Variants in ADGRV1 observed in about 807,000 individuals in gnomAD.
ADGRV1 encodes G-protein coupled receptor 98.
ADGRV1 carries 359 observed loss-of-function variants against 596.2 expected under a neutral mutation model. The ratio of observed to expected loss-of-function variants is 0.60; its 90% CI spans 0.55 to 0.66. ADGRV1 has a LOEUF of 0.66. ADGRV1 is among the 30% of genes least tolerant of loss of function. The pLI, the probability that ADGRV1 is intolerant of heterozygous loss-of-function variation, is 0.00. For missense variants in ADGRV1, 7,274 were observed against 7,575.6 expected, an observed-to-expected ratio of 0.96 and a Z score of 1.48; for synonymous variants, 2,681 against 2,679.2, an observed-to-expected ratio of 1.00 and a Z score of -0.02.
At chr5:91,095,336 A>G (rs1177689484) in intron 86 of ADGRV1, among the ~76,000 whole-genome samples, 6 of 152,076 alleles carry the variant, frequency 3.9e-5, no homozygotes, top group Admixed American at 3.3e-4. Flanking sequence ...AGTAGCTGAG[A>G]CTACAGGCAT....
intron 85 of ADGRV1, among the ~76,000 whole-genome samples, chr5:91,059,962 T>C (rs1484943579): frequency 6.6e-6 from 1 of 152,062 alleles, no homozygotes; most frequent in African/African-American, 2.4e-5. Flanking sequence ...TTAGATATCT[T>C]AGTACATTTT....
chr5:91,051,581 C>G (rs1786329606), intron 85 of ADGRV1, among the ~76,000 whole-genome samples: 1 of 124,916 alleles, frequency 8.0e-6, no homozygotes, highest in Non-Finnish European at 1.6e-5. Flanking sequence ...GAGTCTCACT[C>G]TGTCGCCCAG....
intron 75 of ADGRV1, among the ~76,000 whole-genome samples, chr5:90,817,735 G>A (rs377266739): frequency 1.4e-4 from 21 of 152,080 alleles, no homozygotes; most frequent in African/African-American, 4.3e-4. Flanking sequence ...GATATGCGGC[G>A]TTACTTCTGA....
intron 52 of ADGRV1, among the ~76,000 whole-genome samples, chr5:90,748,813 G>GTT (rs10700327): frequency 0.36 from 50,874 of 141,220 alleles, 9,790 homozygotes; most frequent in Admixed American, 0.48. Flanking sequence ...CTATCATCAA[G>GTT]TTTTTTTTTG....
At chr5:91,087,699 C>G (rs188188754) in intron 86 of ADGRV1, among the ~76,000 whole-genome samples, 64 of 152,322 alleles carry the variant, frequency 4.2e-4, no homozygotes, top group Non-Finnish European at 5.9e-5. Context: ...TTATCTGGAA[C>G]TGTTCGAAGT....
chr5:90,623,716 G>T (rs1764383337), intron 5 of ADGRV1, among the ~76,000 whole-genome samples: 1 of 151,908 alleles, frequency 6.6e-6, no homozygotes, highest in Non-Finnish European at 1.5e-5. Context: ...CCTTCCCCCT[G>T]CCCCCCATTT....
chr5:91,028,615 A>G (rs1237614053), intron 85 of ADGRV1, among the ~76,000 whole-genome samples: 4 of 151,788 alleles, frequency 2.6e-5, no homozygotes, highest in Admixed American at 1.3e-4. Flanking sequence ...GCCCTCCTCC[A>G]GTTTAAGACA....
At chr5:90,813,127 C>A (rs1286576208) in intron 74 of ADGRV1, among the ~76,000 whole-genome samples, 1 of 11,948 alleles carries the variant, frequency 8.4e-5, no homozygotes, top group Non-Finnish European at 1.0e-3. Context: ...AGTAAGACTC[C>A]GTCTCAAAAA....
intron 83 of ADGRV1, among the ~76,000 whole-genome samples, chr5:90,909,369 A>G (rs185405571): frequency 2.0e-5 from 3 of 151,932 alleles, no homozygotes; most frequent in Admixed American, 1.3e-4. Flanking sequence ...TTTCTCCTCT[A>G]CCTTTCTTGT....
chr5:91,081,759 C>T (rs1403440492), intron 86 of ADGRV1, among the ~76,000 whole-genome samples: 1 of 152,004 alleles, frequency 6.6e-6, no homozygotes, highest in African/African-American at 2.4e-5. Context: ...GTACTTCAGC[C>T]TGAGCAACAA....
At chr5:90,569,898 A>G (rs1349014079) in intron 1 of ADGRV1, among the ~76,000 whole-genome samples, 1 of 152,050 alleles carries the variant, frequency 6.6e-6, no homozygotes, top group Non-Finnish European at 1.5e-5. Flanking sequence ...CCTTTTTTAT[A>G]CAGTATATAC....
Position 90,791,037 on chromosome 5 carries a change from T to C in ADGRV1, c.14208T>C (p.Ser4736=). Residue 4736 remains serine (S), a synonymous_variant, in exon 70 of 90, where the codon TCT becomes TCC. Transcript: ENST00000405460. ...IEEDYVIQLV[S]VEGGAELDLE... is the part of the protein sequence containing the mutation. ...AAGATTATGTGATCCAGCTTGTTTCTGTAGAGGGAGGAGCCGAACTGGATC... is the reference window on the plus strand; with the variant it reads ...AAGATTATGTGATCCAGCTTGTTTCCGTAGAGGGAGGAGCCGAACTGGATC... The C allele has an allele frequency of 6.2e-7, 1 of 1,613,990 alleles. No individual in the cohort carries two copies. The highest frequency in any genetic ancestry group is 8.5e-7 in the Non-Finnish European group (1 of 1,179,886).
chr5:91,094,040 T>C (rs1177496514), intron 86 of ADGRV1, among the ~76,000 whole-genome samples: 2 of 151,718 alleles, frequency 1.3e-5, no homozygotes, highest in Non-Finnish European at 2.9e-5. Flanking sequence ...TTAGTAGAGA[T>C]GGGGTTTCGC....
In ADGRV1 at chr5:90,652,350, T is replaced by A; in HGVS notation, c.3421T>A (p.Leu1141Met). 2 of 1,576,936 alleles carry A rather than the reference T, an allele frequency of 1.3e-6. No individual in the cohort carries two copies. The highest frequency in any genetic ancestry group is 1.7e-6 in the Non-Finnish European group (2 of 1,163,542). Reference sequence around the variant, plus strand: ...TTTCTTTAATTTATTTTGTAGGATTTTGAGGCACCGAGGATACTTTGGTAG... The same window carrying A: ...TTTCTTTAATTTATTTTGTAGGATTATGAGGCACCGAGGATACTTTGGTAG... ...EEGKTNAFWI[L>M]RHRGYFGSVS... is the part of the protein sequence containing the mutation. The change falls in exon 19 of 90, where the codon TTG becomes ATG. Residue 1141 changes from leucine to methionine, a missense_variant. Around this residue, in one of 5 missense-constraint regions of ADGRV1, gnomAD observed 1,715 missense variants for 1,708.8 expected, o/e 1.00. Transcript: ENST00000405460.
chr5:90,779,775 G>A (rs910968947), intron 64 of ADGRV1: 1 of 152,172 alleles, frequency 6.6e-6, no homozygotes, highest in Non-Finnish European at 1.5e-5. Context: ...TCTCTGCCCA[G>A]ATAGCAGATA....
intron 83 of ADGRV1, among the ~76,000 whole-genome samples, chr5:90,943,169 G>A (rs1776300887): frequency 7.2e-6 from 1 of 138,910 alleles, no homozygotes; most frequent in African/African-American, 2.7e-5. Flanking sequence ...TGCACCACCT[G>A]CCTCTAGCCA....
chr5:90,628,778 T>G lies in ADGRV1; in HGVS notation c.1455T>G (p.Leu485=). The G allele has an allele frequency of 6.2e-7, 1 of 1,614,006 alleles. No individual in the cohort carries two copies. Among genetic ancestry groups the G allele is most frequent in the Non-Finnish European group, 8.5e-7 (1 of 1,179,874 alleles). ...DLPEEAEAYL[L]QILPHTIRGG... ...CAGAAGAGGCAGAAGCTTATCTACT[T>G]CAAATTCTGCCTCATACAATACGAG... The change falls in exon 8 of 90, where the codon CTT becomes CTG. Residue 485 remains leucine (L), a synonymous_variant. Transcript: ENST00000405460.
intron 27 of ADGRV1, among the ~76,000 whole-genome samples, chr5:90,682,825 C>G (rs1745119642): frequency 6.6e-6 from 1 of 151,840 alleles, no homozygotes; most frequent in Non-Finnish European, 1.5e-5. Flanking sequence ...AATTTTTAAA[C>G]TTTTCATTCT....
intron 84 of ADGRV1, among the ~76,000 whole-genome samples, chr5:90,983,605 A>G (rs1368526989): frequency 2.6e-5 from 4 of 152,212 alleles, no homozygotes; most frequent in African/African-American, 4.8e-5. Flanking sequence ...TACCCCAGCA[A>G]CAACACTTTA....
Sources: allele counts gnomAD v4.1 joint callset (sites outside exome capture counted in the v4.1 genomes callset), GRCh38; gene constraint gnomAD v4.1.1; regional missense constraint gnomAD v4.1.1; transcripts MANE v1.5; gene names NCBI Gene and HGNC (gene_info 2026-07-23, HGNC 2026-07-21).